The following BRCA2 variants were observed in gnomAD, a reference collection of about 807,000 sequenced individuals.
The protein encoded by BRCA2 is BRCA2 DNA repair associated.
BRCA2 carries 203 observed loss-of-function variants against 276.7 expected under a neutral mutation model. That is an observed-to-expected ratio of 0.73 (90% CI 0.65 to 0.82). The LOEUF is 0.82. Ranked by LOEUF, BRCA2 falls within the 40% of genes least tolerant of loss-of-function variation. The probability of loss-of-function intolerance (pLI) is 0.00; values close to 1 mark genes in which losing one functional copy is unlikely to be tolerated. For missense variants in BRCA2, 3,920 were observed against 3,915.0 expected (o/e 1.00, Z -0.03); for synonymous variants, 1,289 against 1,338.4 (o/e 0.96, Z 0.81).
At chr13:32,319,020 G>A (rs2138703156) in intron 2 of BRCA2, 57 bp from the exon 3 acceptor site, 1 of 1,602,322 alleles carries the variant, frequency 6.2e-7, no homozygotes, top group Non-Finnish European at 8.5e-7. Flanking sequence ...AACTGTTCTG[G>A]GTCACAAATT....
chr13:32,358,895 C>T (rs1402471594), intron 16 of BRCA2, among the ~76,000 whole-genome samples: 2 of 151,584 alleles, frequency 1.3e-5, no homozygotes, highest in Admixed American at 1.3e-4. Context: ...GATCACGCCA[C>T]TGCACTCCAG....
intron 20 of BRCA2, among the ~76,000 whole-genome samples, chr13:32,373,027 C>T (rs1381841094): frequency 6.6e-6 from 1 of 150,434 alleles, no homozygotes; most frequent in South Asian, 2.1e-4. Flanking sequence ...GGGTCTTGCT[C>T]TGTTGTCCAG....
chr13:32,321,337 T>C (rs1026389215), intron 3 of BRCA2, among the ~76,000 whole-genome samples: 4 of 152,182 alleles, frequency 2.6e-5, no homozygotes, highest in African/African-American at 9.6e-5. Context: ...AAGCACGTCT[T>C]GTAAGCACAT....
chr13:32,361,954 A>G (rs908620237), intron 16 of BRCA2, among the ~76,000 whole-genome samples: 1 of 152,220 alleles, frequency 6.6e-6, no homozygotes, highest in Non-Finnish European at 1.5e-5. Flanking sequence ...ATTATTTAAA[A>G]TCAAGGATCT....
chr13:32,329,622 A>G lies in BRCA2; in HGVS notation c.681+130A>G. The G allele has an allele frequency of 4.0e-6, 3 of 755,882 alleles. No homozygotes were observed. In the South Asian group the frequency reaches 5.1e-5, roughly 13 times the overall value. The allele number at this position is 755,882 out of a possible 1,614,324, so 46.8% of individuals were successfully genotyped here. ...TCTAAGCCTTTGAGAAAGTCTCTAA[A>G]CCTGGTCCTATATGTGATTTTAACT... is the stretch of plus-strand genomic sequence containing the variant. On this transcript the variant is annotated intron_variant, in intron 8 of 26. Coordinates refer to ENST00000380152, the MANE Select transcript of BRCA2 (RefSeq NM_000059.4).
intron 24 of BRCA2, among the ~76,000 whole-genome samples, chr13:32,389,496 T>C (rs938682892): frequency 1.3e-5 from 2 of 152,236 alleles, no homozygotes; most frequent in Non-Finnish European, 2.9e-5. Context: ...TAGTTTTCTC[T>C]CATCTCAGAA....
At position 32,338,600 on chromosome 13, in the gene BRCA2, G is replaced by A. The variant is rs786201111; in HGVS notation, c.4245G>A (p.Glu1415=). 6.3e-7 allele frequency: 1 copy of A among 1,595,990 alleles called. No individual in the cohort carries two copies. The highest frequency in any genetic ancestry group is 2.2e-5 in the East Asian group (1 of 44,510). ...AACAGTTAACTGCTACTAAAACGGA[G>A]CAAAATATAAAAGATTTTGAGACTT... ...NKEQLTATKT[E]QNIKDFETSD... Residue 1415 remains glutamate, a synonymous_variant, in exon 11 of 27, where the codon GAG becomes GAA. Coordinates refer to ENST00000380152, the MANE Select transcript of BRCA2 (RefSeq NM_000059.4).
chr13:32,399,142 G>GAA lies in BRCA2; in HGVS notation c.*381_*382dup. The GAA allele has an allele frequency of 4.5e-5, 9 of 199,714 alleles. No homozygotes were observed. The highest frequency in any genetic ancestry group is 6.9e-5 in the Non-Finnish European group (7 of 101,084). The allele number at this position is 199,714 out of a possible 1,614,324, so 12.4% of individuals were successfully genotyped here. On this transcript the variant is annotated 3_prime_UTR_variant, in exon 27 of 27. Transcript: ENST00000380152. ...ATAGGGAGACCCCCATCTTTACAAA[G>GAA]AAAAAAAAAAGGGGAAAAGAAAATC...
intron 2 of BRCA2, among the ~76,000 whole-genome samples, chr13:32,317,673 G>A (rs1260379177): frequency 2.0e-5 from 3 of 152,202 alleles, no homozygotes; most frequent in Non-Finnish European, 2.9e-5. Flanking sequence ...ATACCACCAT[G>A]GATGTCAGAA....
chr13:32,371,543 A>AACATGTTCTATAGGACATGTAATTT (rs1425946599), intron 20 of BRCA2, among the ~76,000 whole-genome samples: 3 of 152,108 alleles, frequency 2.0e-5, no homozygotes. Flanking sequence ...ATATAGATGT[A>AACATGTTCTATAGGACATGTAATTT]ACATGTTCTA....
Position 32,385,603 on chromosome 13 carries a change from A to G in BRCA2, c.9256+5458A>G, listed in dbSNP as rs1413261940. ...GAAGGAAGCTACCAACAAGCAGCCTAGAGGGCAGAACAGAGAAAAGGTAGA... is the reference window on the plus strand; with the variant it reads ...GAAGGAAGCTACCAACAAGCAGCCTGGAGGGCAGAACAGAGAAAAGGTAGA... On this transcript the variant is annotated intron_variant, in intron 24 of 26. Transcript: ENST00000380152. 2.6e-5 allele frequency: 7 copies of G among 269,646 alleles called. No individual in the cohort carries two copies. The East Asian group carries it at 4.1e-4, about 16-fold the overall frequency. The allele number at this position is 269,646 out of a possible 1,614,324, so 16.7% of individuals were successfully genotyped here.
In BRCA2 at chr13:32,398,892, A is replaced by G. The variant is rs2073059868; in HGVS notation, c.*122A>G. The G allele has an allele frequency of 7.6e-7, 1 of 1,308,058 alleles. No individual in the cohort carries two copies. The highest frequency in any genetic ancestry group is 2.5e-5 in the East Asian group (1 of 39,666). 81.0% of individuals were successfully genotyped at this position (1,308,058 alleles called of 1,614,324 possible). A position where few individuals can be genotyped will look rare whatever the true frequency, so the allele number is the denominator to read the frequency against. On this transcript the variant is annotated 3_prime_UTR_variant, in exon 27 of 27. Coordinates refer to ENST00000380152, the MANE Select transcript of BRCA2 (RefSeq NM_000059.4). The stretch of plus-strand genomic sequence containing the variant: ...ACAATGAGAAAAGAAATTAGTTTCA[A>G]ATTTACCTCAGCGTTTGTGTATCGG...
intron 16 of BRCA2, among the ~76,000 whole-genome samples, chr13:32,361,424 G>C (rs1566244284): frequency 6.6e-6 from 1 of 152,194 alleles, no homozygotes; most frequent in Non-Finnish European, 1.5e-5. Context: ...TGGAGACACA[G>C]AATACAGTCG....
chr13:32,353,871 G>A (rs1260961510), intron 13 of BRCA2, among the ~76,000 whole-genome samples: 1 of 152,166 alleles, frequency 6.6e-6, no homozygotes, highest in East Asian at 1.9e-4. Context: ...AAATGAGTGT[G>A]AAACATCAAG....
intron 20 of BRCA2, among the ~76,000 whole-genome samples, chr13:32,375,957 T>C (rs1280599228): frequency 6.6e-6 from 1 of 152,184 alleles, no homozygotes; most frequent in Non-Finnish European, 1.5e-5. Flanking sequence ...GAAAATAACA[T>C]TAATCACTCT....
intron 20 of BRCA2, chr13:32,375,214 A>G: frequency 3.4e-6 from 1 of 290,638 alleles, no homozygotes. Flanking sequence ...GATTTGGGTG[A>G]GGACACAGAG....
At chr13:32,347,590 C>G (rs1204169567) in intron 13 of BRCA2, among the ~76,000 whole-genome samples, 5 of 152,084 alleles carry the variant, frequency 3.3e-5, no homozygotes, top group Non-Finnish European at 1.5e-5. Context: ...TGAAGGTGGG[C>G]TGGAGGGAGG....
intron 24 of BRCA2, among the ~76,000 whole-genome samples, chr13:32,391,845 C>A (rs2072999211): frequency 6.6e-6 from 1 of 152,166 alleles, no homozygotes; most frequent in African/African-American, 2.4e-5. Context: ...GCTTCCATTT[C>A]TTTTGATGGA....
chr13:32,397,588 G>A lies in BRCA2; in HGVS notation c.9648+544G>A, dbSNP rs11571826. The stretch of plus-strand genomic sequence containing the variant: ...AAAACCATTTTTTTTTCTCATCACT[G>A]TTCTAACAAAATGATGTTGAAGATT... On this transcript the variant is annotated intron_variant, in intron 26 of 26. Coordinates refer to ENST00000380152, the MANE Select transcript of BRCA2 (RefSeq NM_000059.4). Among the ~76,000 whole-genome samples, 535 of 152,080 alleles carry A rather than the reference G, an allele frequency of 3.5e-3. 2 individuals carry two copies. Among genetic ancestry groups the A allele is most frequent in the African/African-American group, 0.013 (522 of 41,496 alleles).
Sources: allele counts gnomAD v4.1 joint callset (sites outside exome capture counted in the v4.1 genomes callset), GRCh38; gene constraint gnomAD v4.1.1; transcripts MANE v1.5; gene names NCBI Gene and HGNC (gene_info 2026-07-23, HGNC 2026-07-21).